Variants in TMEM178B observed in about 807,000 individuals in gnomAD.
TMEM178B encodes transmembrane protein 178B.
In TMEM178B, 5 loss-of-function variants were observed where a neutral mutation model predicts 31.0. The ratio of observed to expected loss-of-function variants is 0.16; its 90% confidence interval spans 0.08 to 0.34. The LOEUF is 0.34. Among genes scored for constraint, TMEM178B ranks in the 10% least tolerant of loss-of-function variants. TMEM178B has a pLI of 1.00. For synonymous variants in TMEM178B, 164 were observed against 164.0 expected, an observed-to-expected ratio of 1.00 and a Z score of 0.00; for missense variants, 275 against 400.3, an observed-to-expected ratio of 0.69 and a Z score of 2.67.
chr7:141,364,304 G>A (rs1799966468), intron 2 of TMEM178B, among the ~76,000 whole-genome samples: 1 of 152,106 alleles, frequency 6.6e-6, no homozygotes, highest in South Asian at 2.1e-4. Flanking sequence ...GTGCTTCTGG[G>A]CTATACTCCC....
chr7:141,295,511 A>G (rs1032915612), intron 2 of TMEM178B, among the ~76,000 whole-genome samples: 1 of 152,034 alleles, frequency 6.6e-6, no homozygotes, highest in African/African-American at 2.4e-5. Flanking sequence ...CTTATTCATG[A>G]GTGCATTTAG....
chr7:141,243,691 C>A (rs1196113777), intron 2 of TMEM178B, among the ~76,000 whole-genome samples: 1 of 152,152 alleles, frequency 6.6e-6, no homozygotes, highest in Non-Finnish European at 1.5e-5. Flanking sequence ...GGGCCCAGAT[C>A]TATTTTGCAG....
intron 1 of TMEM178B, among the ~76,000 whole-genome samples, chr7:141,113,635 C>G (rs575281271): frequency 6.6e-6 from 1 of 152,176 alleles, no homozygotes; most frequent in Non-Finnish European, 1.5e-5. Context: ...GAGCTCCTTC[C>G]GTGCATCTGT....
At chr7:141,215,337 A>ATT (rs67571979) in intron 2 of TMEM178B, among the ~76,000 whole-genome samples, 9 of 141,532 alleles carry the variant, frequency 6.4e-5, no homozygotes, top group Non-Finnish European at 7.7e-5. Context: ...TATTATTATT[A>ATT]TTTTTTGAGA....
chr7:141,404,982 G>C (rs1800855921), intron 2 of TMEM178B, among the ~76,000 whole-genome samples: 3 of 152,160 alleles, frequency 2.0e-5, no homozygotes, highest in Admixed American at 2.0e-4. Context: ...GCAGTATGTG[G>C]GCACACGGAG....
chr7:141,168,215 A>G (rs1796292363), intron 1 of TMEM178B, among the ~76,000 whole-genome samples: 1 of 152,120 alleles, frequency 6.6e-6, no homozygotes, highest in African/African-American at 2.4e-5. Flanking sequence ...AAGATCTCTG[A>G]TATTTCATGC....
chr7:141,108,153 C>T (rs748477985), intron 1 of TMEM178B, among the ~76,000 whole-genome samples: 8 of 151,906 alleles, frequency 5.3e-5, no homozygotes, highest in African/African-American at 9.7e-5. Context: ...TATTGGAGGC[C>T]GTTAAGAGAG....
chr7:141,224,313 G>A (rs1797304661), intron 2 of TMEM178B, among the ~76,000 whole-genome samples: 1 of 152,194 alleles, frequency 6.6e-6, no homozygotes, highest in Non-Finnish European at 1.5e-5. Context: ...GTGACACATG[G>A]CCAGCAGCTA....
At chr7:141,236,992 C>T (rs1797538105) in intron 2 of TMEM178B, among the ~76,000 whole-genome samples, 1 of 152,186 alleles carries the variant, frequency 6.6e-6, no homozygotes. Context: ...AGGATGTGAA[C>T]AGGTTGCAAA....
intron 2 of TMEM178B, among the ~76,000 whole-genome samples, chr7:141,310,646 A>G (rs1202138697): frequency 6.6e-6 from 1 of 152,158 alleles, no homozygotes; most frequent in Non-Finnish European, 1.5e-5. Context: ...TAAGAAGTTA[A>G]GAAACAACAG....
intron 2 of TMEM178B, among the ~76,000 whole-genome samples, chr7:141,379,695 G>A (rs1474188953): frequency 6.6e-6 from 1 of 152,158 alleles, no homozygotes; most frequent in African/African-American, 2.4e-5. Flanking sequence ...TTTAGATGGG[G>A]TCTTCTCCAT....
At chr7:141,407,121 G>C (rs1800898338) in intron 2 of TMEM178B, among the ~76,000 whole-genome samples, 1 of 152,212 alleles carries the variant, frequency 6.6e-6, no homozygotes. Flanking sequence ...TACAGTGGCA[G>C]AGTTGAGTAA....
rs936697046 is a variant in TMEM178B, at chr7:141,472,514, T to C, written c.*1728T>C. 6.6e-6 allele frequency: 1 copy of C among 152,132 alleles called. No individual in the cohort carries two copies. The highest frequency in any genetic ancestry group is 2.4e-5 in the African/African-American group (1 of 41,424). 9.4% of individuals were successfully genotyped at this position (152,132 alleles called of 1,614,324 possible). A position where few individuals can be genotyped will look rare whatever the true frequency, so the allele number is the denominator to read the frequency against. The stretch of plus-strand genomic sequence containing the variant: ...CTGGAGCCGCTCACAGTCATCTCAG[T>C]GAGCCTGCTGGTGCCCAGCAGCCCT... On this transcript the variant is annotated 3_prime_UTR_variant, in exon 4 of 4. Transcript: ENST00000565468.
intron 1 of TMEM178B, among the ~76,000 whole-genome samples, chr7:141,078,701 A>G (rs2129170553): frequency 6.6e-6 from 1 of 152,268 alleles, no homozygotes. Flanking sequence ...GGTTAGGGAA[A>G]GTTGTCCTGA....
intron 2 of TMEM178B, among the ~76,000 whole-genome samples, chr7:141,347,152 A>T (rs1270678718): frequency 1.3e-5 from 2 of 151,862 alleles, no homozygotes; most frequent in African/African-American, 2.4e-5. Flanking sequence ...GTCGATGACA[A>T]CTCTTTTCTT....
At chr7:141,249,313 A>G (rs541026390) in intron 2 of TMEM178B, among the ~76,000 whole-genome samples, 2 of 152,256 alleles carry the variant, frequency 1.3e-5, no homozygotes, top group Non-Finnish European at 2.9e-5. Flanking sequence ...GCCTGCTGCC[A>G]TGTAAGATGT....
In TMEM178B at chr7:141,100,263, G is replaced by A. The variant is rs1016536680; in HGVS notation, c.382+25571G>A. Among the ~76,000 whole-genome samples the A allele has an allele frequency of 6.6e-5, 10 of 150,518 alleles. No homozygotes were observed. The East Asian group carries it at 1.4e-3, about 21-fold the overall frequency. On this transcript the variant is annotated intron_variant, in intron 1 of 3. Coordinates refer to ENST00000565468, the MANE Select transcript of TMEM178B (RefSeq NM_001195278.2). The stretch of plus-strand genomic sequence containing the variant: ...AATTCAGCATGTTTGGTTGGGCCAC[G>A]TATTCTATAATATAGCTGGATTGGG...
intron 2 of TMEM178B, among the ~76,000 whole-genome samples, chr7:141,409,249 C>T (rs994030867): frequency 1.3e-5 from 2 of 152,120 alleles, no homozygotes; most frequent in African/African-American, 4.8e-5. Flanking sequence ...AATGCCACTG[C>T]AGATGGCTGG....
At chr7:141,397,540 T>G (rs981679836) in intron 2 of TMEM178B, among the ~76,000 whole-genome samples, 2 of 152,188 alleles carry the variant, frequency 1.3e-5, no homozygotes, top group South Asian at 2.1e-4. Context: ...ATAGGCATCA[T>G]GCTATGAATG....
Sources: gnomAD v4.1 joint callset for allele counts (sites outside exome capture counted in the v4.1 genomes callset) on GRCh38, gnomAD v4.1.1 for gene constraint, MANE v1.5 for transcripts, NCBI Gene and HGNC (gene_info 2026-07-23, HGNC 2026-07-21) for gene names.